DCDC2: variants seen among roughly 807,000 people sequenced by gnomAD.
DCDC2 encodes the protein doublecortin domain-containing protein 2.
Under a neutral mutation model 50.2 loss-of-function variants are expected in DCDC2, and 40 were observed. The ratio of observed to expected loss-of-function variants is 0.80; its 90% CI spans 0.62 to 1.04. DCDC2 has a LOEUF of 1.04. Among genes scored for constraint, DCDC2 ranks in the 50% least tolerant of loss-of-function variants. DCDC2 has a pLI of 0.00. For synonymous variants in DCDC2, 234 were observed against 210.6 expected (o/e 1.11, Z -0.96); for missense variants, 570 against 581.9 (o/e 0.98, Z 0.21).
At chr6:24,315,073 C>T (rs1377718529) in intron 2 of DCDC2, among the ~76,000 whole-genome samples, 2 of 152,062 alleles carry the variant, frequency 1.3e-5, no homozygotes, top group African/African-American at 4.8e-5. Flanking sequence ...TATATAATAG[C>T]TATACCTCTC....
At chr6:24,256,398 AT>A (rs1017432526) in intron 7 of DCDC2, among the ~76,000 whole-genome samples, 1 of 151,920 alleles carries the variant, frequency 6.6e-6, no homozygotes, top group Non-Finnish European at 1.5e-5. Flanking sequence ...CAAAAAGCTC[AT>A]TTTTATGTTA....
chr6:24,258,081 G>A (rs923408203), intron 7 of DCDC2, among the ~76,000 whole-genome samples: 4 of 152,182 alleles, frequency 2.6e-5, no homozygotes, highest in African/African-American at 7.2e-5. Context: ...TTCAGAGTGG[G>A]TTCCTTCGGG....
At chr6:24,184,156 C>T (rs898188160) in intron 8 of DCDC2, among the ~76,000 whole-genome samples, 6 of 152,166 alleles carry the variant, frequency 3.9e-5, no homozygotes, top group African/African-American at 1.4e-4. Context: ...TCCCAAAGTC[C>T]TAGTATCTTT....
At chr6:24,345,554 T>C (rs868830784) in intron 2 of DCDC2, among the ~76,000 whole-genome samples, 8 of 152,302 alleles carry the variant, frequency 5.3e-5, no homozygotes, top group Middle Eastern at 3.4e-3. Context: ...TGAGAGAATA[T>C]ACCTATCTCA....
intron 2 of DCDC2, among the ~76,000 whole-genome samples, chr6:24,336,137 T>C (rs1760054007): frequency 6.6e-6 from 1 of 152,148 alleles, no homozygotes; most frequent in South Asian, 2.1e-4. Context: ...CACTGTTCAA[T>C]GGTGGTGGCA....
intron 7 of DCDC2, among the ~76,000 whole-genome samples, chr6:24,267,296 G>C (rs1763143023): frequency 6.6e-6 from 1 of 151,902 alleles, no homozygotes. Context: ...TAACTAAAAG[G>C]GTATAATTGG....
At chr6:24,374,580 A>AAAAAAAAAAAAAAAAAAAAAAAAAAG in the DCDC2 span, among the ~76,000 whole-genome samples, 1 of 146,566 alleles carries the variant, frequency 6.8e-6, no homozygotes, top group African/African-American at 2.5e-5. Flanking sequence ...CTCCATCCAA[A>AAAAAAAAAAAAAAAAAAAAAAAAAAG]AAAAAAAAAA....
intron 6 of DCDC2, among the ~76,000 whole-genome samples, chr6:24,279,991 C>T (rs975308649): frequency 1.3e-5 from 2 of 152,064 alleles, no homozygotes; most frequent in African/African-American, 4.8e-5. Flanking sequence ...AAACTCACAC[C>T]GTATTGAGTG....
intron 2 of DCDC2, among the ~76,000 whole-genome samples, chr6:24,324,972 A>G (rs1334059601): frequency 1.3e-5 from 2 of 152,170 alleles, no homozygotes; most frequent in Non-Finnish European, 2.9e-5. Flanking sequence ...GTTCAACTAC[A>G]TCAAAGACAG....
intron 7 of DCDC2, among the ~76,000 whole-genome samples, chr6:24,244,706 C>A (rs1762634368): frequency 6.6e-6 from 1 of 152,198 alleles, no homozygotes. Flanking sequence ...TGTCAGCTCC[C>A]CCGGGGTGCC....
chr6:24,183,824 T>C (rs1177822772), intron 8 of DCDC2, among the ~76,000 whole-genome samples: 1 of 151,926 alleles, frequency 6.6e-6, no homozygotes, highest in Non-Finnish European at 1.5e-5. Context: ...CACATTACAA[T>C]GTGGAATGAG....
intron 7 of DCDC2, among the ~76,000 whole-genome samples, chr6:24,212,356 T>C (rs1761891615): frequency 6.6e-6 from 1 of 152,174 alleles, no homozygotes; most frequent in Admixed American, 6.5e-5. Flanking sequence ...GCCTTTCAGA[T>C]ACCCTCTGCT....
At chr6:24,371,712 C>T in the DCDC2 span, among the ~76,000 whole-genome samples, 5 of 152,084 alleles carry the variant, frequency 3.3e-5, no homozygotes, top group African/African-American at 4.8e-5. Flanking sequence ...AGAAAATTTT[C>T]GCAACCTACT....
At chr6:24,234,978 T>TG (rs1762414122) in intron 7 of DCDC2, among the ~76,000 whole-genome samples, 1 of 152,174 alleles carries the variant, frequency 6.6e-6, no homozygotes, top group African/African-American at 2.4e-5. Context: ...AAAATGATCC[T>TG]GACAAACTGA....
chr6:24,353,400 T>C, intron 2 of DCDC2, 169 bp downstream of exon 2: 1 of 651,838 alleles, frequency 1.5e-6, no homozygotes, highest in Non-Finnish European at 2.8e-6. Flanking sequence ...TTTTCATTTC[T>C]GACAATGATT....
At chr6:24,310,693 C>T (rs560449178) in intron 2 of DCDC2, among the ~76,000 whole-genome samples, 2 of 152,282 alleles carry the variant, frequency 1.3e-5, no homozygotes, top group Admixed American at 6.5e-5. Flanking sequence ...ATGTCTAATG[C>T]TTTTCATTAA....
At chr6:24,215,341 G>A (rs1440054536) in intron 7 of DCDC2, among the ~76,000 whole-genome samples, 1 of 152,170 alleles carries the variant, frequency 6.6e-6, no homozygotes, top group African/African-American at 2.4e-5. Context: ...AAGGCTGTCT[G>A]ATGTGACCAA....
intron 7 of DCDC2, among the ~76,000 whole-genome samples, chr6:24,267,723 A>G (rs986933077): frequency 2.0e-5 from 3 of 152,216 alleles, no homozygotes; most frequent in South Asian, 2.1e-4. Context: ...CATCTGTGCC[A>G]CAAGCCAAGA....
chr6:24,285,386 TTTTC>T (rs1162634780), intron 6 of DCDC2, among the ~76,000 whole-genome samples: 1 of 152,176 alleles, frequency 6.6e-6, no homozygotes, highest in East Asian at 1.9e-4. Flanking sequence ...CTAAATGTGT[TTTTC>T]TTTTATTGTC....
Sources: allele counts gnomAD v4.1 joint callset (sites outside exome capture counted in the v4.1 genomes callset), GRCh38; gene constraint gnomAD v4.1.1; transcripts MANE v1.5; gene names NCBI Gene and HGNC (gene_info 2026-07-23, HGNC 2026-07-21).